Variants in PHF3 observed in about 807,000 individuals in gnomAD.
PHF3 encodes the protein PHD finger protein 3.
A neutral mutation model predicts 178.4 loss-of-function variants in PHF3; 41 were observed. The observed-to-expected ratio is 0.23, with a 90% CI of 0.18 to 0.30. PHF3 has a LOEUF of 0.30. PHF3 is among the 10% of genes least tolerant of loss of function. The pLI, the probability that PHF3 is intolerant of heterozygous loss-of-function variation, is 1.00. For missense variants in PHF3, 2,346 were observed against 2,398.1 expected (o/e 0.98, Z 0.45); for synonymous variants, 842 against 800.5 (o/e 1.05, Z -0.88).
intron 6 of PHF3, among the ~76,000 whole-genome samples, chr6:63,697,801 A>G (rs1561975019): frequency 6.6e-6 from 1 of 152,186 alleles, no homozygotes. Flanking sequence ...GATGTTTGAC[A>G]TTGAGATTTT....
chr6:63,681,895 G>A (rs1026984995), intron 3 of PHF3, among the ~76,000 whole-genome samples: 4 of 152,044 alleles, frequency 2.6e-5, no homozygotes, highest in South Asian at 2.1e-4. Context: ...AGCTATGAGC[G>A]TCAGTGTATA....
Position 63,713,651 on chromosome 6 carries a change from C to T in PHF3, c.6063C>T (p.Asp2021=), listed in dbSNP as rs1333447396. Residue 2021 remains aspartate (D), a synonymous_variant, in exon 16 of 16, where the codon GAC becomes GAT. Transcript: ENST00000262043. ...EKSKHREGEK[D]RDRYHKDRDH... ...GTAAACACAGAGAAGGAGAAAAGGA[C>T]AGGGATAGGTACCACAAAGATAGGG... 7 of 1,610,052 alleles carry T rather than the reference C, an allele frequency of 4.3e-6. No homozygotes were observed. Among genetic ancestry groups the T allele is most frequent in the Non-Finnish European group, 3.4e-6 (4 of 1,178,810 alleles).
chr6:63,694,881 C>A, intron 6 of PHF3, 117 bp downstream of exon 6: 2 of 530,614 alleles, frequency 3.8e-6, no homozygotes, highest in Non-Finnish European at 5.6e-6. Flanking sequence ...TGTTGTATTG[C>A]CATTAAGGCA....
chr6:63,723,441 A>C lies in PHF3; in HGVS notation c.*9733A>C, dbSNP rs1364357548. ...CCAGTTATCTTTTGCAAGATTATGG[A>C]GGAAGCTTTTCTTGCTCCTTGTGTT... On this transcript the variant is annotated 3_prime_UTR_variant, in exon 16 of 16. Coordinates refer to ENST00000262043, the MANE Select transcript of PHF3 (RefSeq NM_001370348.2). Among the ~76,000 whole-genome samples, 1 of 152,170 alleles carries C rather than the reference A, an allele frequency of 6.6e-6. No individual in the cohort carries two copies. The highest frequency in any genetic ancestry group is 1.5e-5 in the Non-Finnish European group (1 of 68,026).
At position 63,712,699 on chromosome 6, in the gene PHF3, C is replaced by T. The variant is rs2149613324; in HGVS notation, c.5111C>T (p.Ala1704Val). Residue 1704 changes from alanine (A) to valine (V), a missense_variant, in exon 16 of 16, where the codon GCA (alanine) becomes GTA (valine). Around this residue, in one of 8 missense-constraint regions of PHF3, gnomAD observed 839 missense variants for 806.9 expected, o/e 1.04. Transcript: ENST00000262043. The stretch of plus-strand genomic sequence containing the variant: ...AATGTAGAGGAAAAGTTGTGTTCTG[C>T]AGAGAAAAACTCGTGTGTTCAGCAG... ...QINVEEKLCS[A>V]EKNSCVQQSD... 6.2e-7 allele frequency: 1 copy of T among 1,613,934 alleles called. No homozygotes were observed. The highest frequency in any genetic ancestry group is 8.5e-7 in the Non-Finnish European group (1 of 1,179,960).
At chr6:63,657,095 A>G (rs941689267) in intron 2 of PHF3, among the ~76,000 whole-genome samples, 6 of 152,134 alleles carry the variant, frequency 3.9e-5, no homozygotes, top group Non-Finnish European at 5.9e-5. Context: ...TGGAAGACAG[A>G]TGTTGGCTGG....
rs2149606312 is a variant in PHF3, at chr6:63,706,180, G to T, written c.3519G>T (p.Glu1173Asp). The T allele has an allele frequency of 6.2e-7, 1 of 1,613,834 alleles. No homozygotes were observed. Among genetic ancestry groups the T allele is most frequent in the East Asian group, 2.2e-5 (1 of 44,856 alleles). The change falls in exon 12 of 16, where the codon GAG (glutamate) becomes GAT (aspartate). Residue 1173 changes from glutamate to aspartate, a missense_variant. Around this residue, in one of 8 missense-constraint regions of PHF3, gnomAD observed 205 missense variants for 212.4 expected, o/e 0.97. Transcript: ENST00000262043. ...SNILASEFFE[E>D]EKQESPKSTF... ...TTTTGGCTTCTGAATTCTTTGAGGA[G>T]GAGAAACAGGAGTCTCCAAAGTCAA...
Position 63,713,604 on chromosome 6 carries a change from A to G in PHF3, c.6016A>G (p.Lys2006Glu), listed in dbSNP as rs1223361670. The G allele has an allele frequency of 4.3e-6, 7 of 1,613,552 alleles. No individual in the cohort carries two copies. The highest frequency in any genetic ancestry group is 5.9e-6 in the Non-Finnish European group (7 of 1,179,824). ...PDKPKSEDYEKDKEREKSKHR... is the reference protein window; with the variant it reads ...PDKPKSEDYEEDKEREKSKHR... ...TAAACCTAAAAGTGAAGACTATGAG[A>G]AGGACAAAGAACGAGAGAAAAGTAA... Residue 2006 changes from lysine (K) to glutamate (E), a missense_variant, in exon 16 of 16, where the codon AAG becomes GAG. Transcript: ENST00000262043.
intron 14 of PHF3, among the ~76,000 whole-genome samples, chr6:63,710,645 G>A (rs1173064127): frequency 1.3e-5 from 2 of 152,102 alleles, no homozygotes; most frequent in African/African-American, 4.8e-5. Context: ...TGTATTTAAG[G>A]TCTCTTCATC....
rs1215818088 is a variant in PHF3 at position 63,724,032 on chromosome 6, C to T, written c.*10324C>T. Among the ~76,000 whole-genome samples, 1 of 152,024 alleles carries T rather than the reference C, an allele frequency of 6.6e-6. No individual in the cohort carries two copies. Among genetic ancestry groups the T allele is most frequent in the Non-Finnish European group, 1.5e-5 (1 of 68,004 alleles). ...ATGTTGGCCAGGCTGGTCTTGACCT[C>T]CTGACTTCAGGTGATCCGCCCACCT... On this transcript the variant is annotated 3_prime_UTR_variant, in exon 16 of 16. Transcript: ENST00000262043.
At chr6:63,679,971 A>G in intron 2 of PHF3, 29 bp from the exon 3 acceptor site, 1 of 1,588,940 alleles carries the variant, frequency 6.3e-7, no homozygotes, top group Non-Finnish European at 8.6e-7. Flanking sequence ...ATATTTTTAA[A>G]AGTTAATTTT....
rs940065327 is a variant in PHF3, at chr6:63,720,943, C to T, written c.*7235C>T. On this transcript the variant is annotated 3_prime_UTR_variant, in exon 16 of 16. Transcript: ENST00000262043. ...GTGCCATTGTTATAGCTCATAGGCA[C>T]AGAGATTCTTTCTCCCAAGTTAACT... is the stretch of plus-strand genomic sequence containing the variant. The T allele has an allele frequency of 1.9e-6, 3 of 1,551,284 alleles. No homozygotes were observed. Among genetic ancestry groups the T allele is most frequent in the Admixed American group, 2.0e-5 (1 of 50,976 alleles).
At chr6:63,704,464 G>A (rs1008447028) in intron 11 of PHF3, among the ~76,000 whole-genome samples, 2 of 149,632 alleles carry the variant, frequency 1.3e-5, no homozygotes, top group Non-Finnish European at 3.0e-5. Flanking sequence ...CTGTAGTTTT[G>A]CTTTTTTCAG....
Position 63,713,752 on chromosome 6 carries a change from A to T in PHF3, c.*44A>T, listed in dbSNP as rs1561988713. 2.1e-6 allele frequency: 3 copies of T among 1,426,908 alleles called. No individual in the cohort carries two copies. Among genetic ancestry groups the T allele is most frequent in the African/African-American group, 2.9e-5 (2 of 69,010 alleles). The allele number at this position is 1,426,908 out of a possible 1,614,324, so 88.4% of individuals were successfully genotyped here. The stretch of plus-strand genomic sequence containing the variant: ...GGATTACATTTAAATAACTGTTAAA[A>T]TGTTGTATCTTGTAAACAAAAGAAA... On this transcript the variant is annotated 3_prime_UTR_variant, in exon 16 of 16. Transcript: ENST00000262043.
intron 3 of PHF3, among the ~76,000 whole-genome samples, chr6:63,681,529 T>A (rs1024079112): frequency 6.6e-6 from 1 of 152,070 alleles, no homozygotes; most frequent in African/African-American, 2.4e-5. Flanking sequence ...GTGCTTAAAT[T>A]TTCTCATATT....
Position 63,661,141 on chromosome 6 carries a change from A to T in PHF3, c.244+14346A>T, listed in dbSNP as rs537998963. Among the ~76,000 whole-genome samples, 43 of 152,266 alleles carry T rather than the reference A, an allele frequency of 2.8e-4. No individual in the cohort carries two copies. In the East Asian group the frequency reaches 7.9e-3, roughly 28 times the overall value. On this transcript the variant is annotated intron_variant, in intron 2 of 15. Transcript: ENST00000262043. The stretch of plus-strand genomic sequence containing the variant: ...GCAGTTCTCAACATTACTGTGTTTA[A>T]TCCCAGGAATTATTCATGGAGGTTT...
In PHF3 at chr6:63,715,800, C is replaced by G. The variant is rs1169844121; in HGVS notation, c.*2092C>G. 6.6e-6 allele frequency among the ~76,000 whole-genome samples: 1 copy of G among 151,894 alleles called. No homozygotes were observed. The highest frequency in any genetic ancestry group is 1.5e-5 in the Non-Finnish European group (1 of 67,962). ...GGTCATATTAGCTATTTGAGGTTTT[C>G]CTTTTGAGGAAAAAAAGGGAAAATG... On this transcript the variant is annotated 3_prime_UTR_variant, in exon 16 of 16. Coordinates refer to ENST00000262043, the MANE Select transcript of PHF3 (RefSeq NM_001370348.2).
chr6:63,664,549 G>A (rs1044427868), intron 2 of PHF3, among the ~76,000 whole-genome samples: 2 of 151,986 alleles, frequency 1.3e-5, no homozygotes, highest in Admixed American at 6.6e-5. Context: ...CTGTTTTACT[G>A]TATTAATGTA....
Position 63,721,753 on chromosome 6 carries a change from G to C in PHF3, c.*8045G>C. 1 of 1,550,908 alleles carries C rather than the reference G, an allele frequency of 6.4e-7. No homozygotes were observed. The highest frequency in any genetic ancestry group is 8.7e-7 in the Non-Finnish European group (1 of 1,146,386). ...ATAGTTCTGTCGCCAAGGTTGTAGC[G>C]AAGTTGAACGGAACTATTTACTAAA... On this transcript the variant is annotated 3_prime_UTR_variant, in exon 16 of 16. Transcript: ENST00000262043.
Sources: allele counts gnomAD v4.1 joint callset (sites outside exome capture counted in the v4.1 genomes callset), GRCh38; gene constraint gnomAD v4.1.1; regional missense constraint gnomAD v4.1.1; transcripts MANE v1.5; gene names NCBI Gene and HGNC (gene_info 2026-07-23, HGNC 2026-07-21).